The following ACTR3C variants were observed in gnomAD, a reference collection of about 807,000 sequenced individuals.
The protein encoded by ACTR3C is actin related protein 3C, also known as actin-related protein 3C.
A neutral mutation model predicts 26.3 loss-of-function variants in ACTR3C; 18 were observed. The observed-to-expected ratio is 0.68, with a 90% CI of 0.47 to 1.01. The LOEUF (loss-of-function observed/expected upper bound fraction) is 1.01. Ranked by LOEUF, ACTR3C falls within the 50% of genes least tolerant of loss-of-function variation. The pLI, the probability that ACTR3C is intolerant of heterozygous loss-of-function variation, is 0.00. For synonymous variants in ACTR3C, 55 were observed against 94.5 expected, an observed-to-expected ratio of 0.58 and a Z score of 2.42; for missense variants, 184 against 250.7, an observed-to-expected ratio of 0.73 and a Z score of 1.80.
chr7:149,970,812 T>A, the ACTR3C span, among the ~76,000 whole-genome samples: 3 of 152,158 alleles, frequency 2.0e-5, no homozygotes, highest in African/African-American at 7.2e-5. Flanking sequence ...AGTCCAAAGA[T>A]CCCTACACCA....
the ACTR3C span, among the ~76,000 whole-genome samples, chr7:149,942,860 G>A: frequency 6.6e-6 from 1 of 151,328 alleles, no homozygotes; most frequent in Non-Finnish European, 1.5e-5. Flanking sequence ...TCAGCTAATA[G>A]GTCATTTCCC....
chr7:150,068,480 T>A, the ACTR3C span, among the ~76,000 whole-genome samples: 1 of 152,036 alleles, frequency 6.6e-6, no homozygotes, highest in Non-Finnish European at 1.5e-5. Flanking sequence ...AGTTTTTAAT[T>A]CTGATGCTTA....
At chr7:149,886,383 C>CT in the ACTR3C span, among the ~76,000 whole-genome samples, 5 of 152,170 alleles carry the variant, frequency 3.3e-5, no homozygotes, top group Admixed American at 6.5e-5. Flanking sequence ...AGTAAAAACA[C>CT]AAATGCTTTT....
chr7:150,037,726 G>A, the ACTR3C span, among the ~76,000 whole-genome samples: 5 of 97,450 alleles, frequency 5.1e-5, no homozygotes, highest in South Asian at 6.5e-4. Flanking sequence ...AAGCCAGGGG[G>A]GAAGAGGGTC....
the ACTR3C span, among the ~76,000 whole-genome samples, chr7:150,227,069 T>C: frequency 6.7e-6 from 1 of 148,642 alleles, no homozygotes; most frequent in Non-Finnish European, 1.5e-5. Context: ...ATATATACAT[T>C]GTAGAAAGAT....
chr7:150,138,737 T>C, the ACTR3C span, among the ~76,000 whole-genome samples: 1 of 152,272 alleles, frequency 6.6e-6, no homozygotes, highest in Non-Finnish European at 1.5e-5. Flanking sequence ...GTGTGTGCTC[T>C]AGCACAGGGG....
the ACTR3C span, among the ~76,000 whole-genome samples, chr7:150,093,145 G>T: frequency 1.3e-5 from 2 of 151,414 alleles, no homozygotes; most frequent in African/African-American, 4.9e-5. Flanking sequence ...CTTACAGGTT[G>T]TTGGGAGAAC....
chr7:149,885,558 G>A, the ACTR3C span, among the ~76,000 whole-genome samples: 4,500 of 152,372 alleles, frequency 0.03, 209 homozygotes, highest in African/African-American at 0.094. Context: ...TGGGATGGAT[G>A]TTCTCACCCC....
At chr7:149,885,473 G>A in the ACTR3C span, among the ~76,000 whole-genome samples, 3 of 152,190 alleles carry the variant, frequency 2.0e-5, no homozygotes, top group Non-Finnish European at 4.4e-5. Context: ...AGGGAGCTCC[G>A]GCACTGCCCC....
At chr7:150,058,483 T>C in the ACTR3C span, among the ~76,000 whole-genome samples, 14 of 152,248 alleles carry the variant, frequency 9.2e-5, no homozygotes, top group East Asian at 2.7e-3. Context: ...GTGGCAAAGA[T>C]TATTTTTCTC....
chr7:150,212,362 T>C, the ACTR3C span, among the ~76,000 whole-genome samples: 1 of 148,738 alleles, frequency 6.7e-6, no homozygotes, highest in Non-Finnish European at 1.5e-5. Flanking sequence ...AACTTATGTA[T>C]GAGCTTAGAT....
chr7:150,024,984 G>A, the ACTR3C span, among the ~76,000 whole-genome samples: 65 of 152,210 alleles, frequency 4.3e-4, 1 homozygote, highest in African/African-American at 1.5e-3. Context: ...GGTCTGGAGG[G>A]CCACACCTCT....
chr7:149,942,210 C>T, the ACTR3C span, among the ~76,000 whole-genome samples: 33 of 152,282 alleles, frequency 2.2e-4, no homozygotes, highest in South Asian at 8.3e-4. Flanking sequence ...CATTCTATGG[C>T]CATTTCTTAG....
chr7:150,029,193 G>A, the ACTR3C span, among the ~76,000 whole-genome samples: 2 of 151,974 alleles, frequency 1.3e-5, no homozygotes, highest in Non-Finnish European at 2.9e-5. Flanking sequence ...GCATCCTGCA[G>A]CTGCCCCTTC....
chr7:150,160,720 G>A, the ACTR3C span, among the ~76,000 whole-genome samples: 117 of 151,992 alleles, frequency 7.7e-4, 1 homozygote, highest in East Asian at 0.017. Context: ...AGCTTAGACT[G>A]AAGCTGGAAA....
intron 6 of ACTR3C, among the ~76,000 whole-genome samples, chr7:150,283,443 A>G (rs1013225270): frequency 6.7e-5 from 10 of 150,192 alleles, no homozygotes; most frequent in African/African-American, 2.3e-4. Context: ...AACAGAAAAA[A>G]ATTTTAATTA....
At chr7:149,927,430 TA>T in the ACTR3C span, among the ~76,000 whole-genome samples, 47,341 of 132,782 alleles carry the variant, frequency 0.36, 7,953 homozygotes, top group Non-Finnish European at 0.37. Flanking sequence ...AATGACTATT[TA>T]AAAAAAAAAA....
the ACTR3C span, among the ~76,000 whole-genome samples, chr7:149,895,653 A>AGAG: frequency 6.6e-6 from 1 of 151,916 alleles, no homozygotes; most frequent in Non-Finnish European, 1.5e-5. Flanking sequence ...TGGGAAACAT[A>AGAG]GCAAGACCCC....
chr7:150,284,700 T>C, intron 6 of ACTR3C, 53 bp downstream of exon 6: 2 of 1,414,720 alleles, frequency 1.4e-6, no homozygotes, highest in Non-Finnish European at 1.9e-6. Flanking sequence ...CTAAGAATTA[T>C]GGGCCTTTAA....
Sources: gnomAD v4.1 joint callset for allele counts (sites outside exome capture counted in the v4.1 genomes callset) on GRCh38, gnomAD v4.1.1 for gene constraint, MANE v1.5 for transcripts, NCBI Gene and HGNC (gene_info 2026-07-23, HGNC 2026-07-21) for gene names.